Variants in SAE1 observed in about 807,000 individuals in gnomAD.
SAE1 encodes the protein SUMO-activating enzyme subunit 1.
In SAE1, 11 loss-of-function variants were observed where a neutral mutation model predicts 40.6. The ratio of observed to expected loss-of-function variants is 0.27; its 90% CI spans 0.17 to 0.45. SAE1 has a LOEUF of 0.45. SAE1 is among the 20% of genes least tolerant of loss of function. The probability of loss-of-function intolerance (pLI) is 1.00; values close to 1 mark genes in which losing one functional copy is unlikely to be tolerated. For missense variants in SAE1, 373 were observed against 427.3 expected (o/e 0.87, Z 1.12); for synonymous variants, 155 against 154.3 (o/e 1.00, Z -0.03).
intron 2 of SAE1, among the ~76,000 whole-genome samples, chr19:47,149,949 C>T (rs1470567812): frequency 2.0e-5 from 3 of 151,594 alleles, no homozygotes; most frequent in African/African-American, 7.3e-5. Context: ...GTGGTGCGTG[C>T]TTGTAGTCCC....
At chr19:47,145,165 G>T (rs1274721368) in intron 2 of SAE1, among the ~76,000 whole-genome samples, 1 of 152,026 alleles carries the variant, frequency 6.6e-6, no homozygotes, top group Non-Finnish European at 1.5e-5. Context: ...ACCATGCCTG[G>T]CTAATTTAAC....
chr19:47,153,052 G>A lies in SAE1; in HGVS notation c.527+12G>A, dbSNP rs2058297242. ...CATGAGTTTGTAGAGTAAGTGTTGG[G>A]AGAGGAGGGGAGAACATAACATTTT... On this transcript the variant is annotated intron_variant, in intron 4 of 8. Coordinates refer to ENST00000270225, the MANE Select transcript of SAE1 (RefSeq NM_005500.3). 1.9e-6 allele frequency: 3 copies of A among 1,591,700 alleles called. No homozygotes were observed. Among genetic ancestry groups the A allele is most frequent in the African/African-American group, 2.7e-5 (2 of 73,944 alleles).
chr19:47,181,978 G>A (rs1800433671), intron 6 of SAE1, among the ~76,000 whole-genome samples: 1 of 151,482 alleles, frequency 6.6e-6, no homozygotes, highest in Non-Finnish European at 1.5e-5. Flanking sequence ...TTGTAGAGAG[G>A]CCTCACTCCA....
At chr19:47,205,111 G>T (rs2058678850) in intron 8 of SAE1, among the ~76,000 whole-genome samples, 1 of 152,128 alleles carries the variant, frequency 6.6e-6, no homozygotes, top group Non-Finnish European at 1.5e-5. Context: ...CAGGTTCTTG[G>T]CTGCCTTCGT....
intron 5 of SAE1, among the ~76,000 whole-genome samples, chr19:47,159,932 G>C (rs1288632959): frequency 6.6e-6 from 1 of 152,162 alleles, no homozygotes; most frequent in African/African-American, 2.4e-5. Flanking sequence ...GGCCTCAAGT[G>C]ATCCGCCCAC....
chr19:47,153,135 T>G (rs1329815648), intron 4 of SAE1, 95 bp downstream of exon 4: 19 of 1,147,858 alleles, frequency 1.7e-5, no homozygotes, highest in Non-Finnish European at 2.2e-5. Context: ...AGAGACAGGA[T>G]CTATGCTATG....
intron 1 of SAE1, 71 bp from the exon 2 acceptor site, chr19:47,143,423 A>AT (rs2058234542): frequency 7.8e-7 from 1 of 1,284,884 alleles, no homozygotes; most frequent in Non-Finnish European, 1.1e-6. Context: ...TGATTTGTGT[A>AT]TTTTTTGTTC....
intron 2 of SAE1, among the ~76,000 whole-genome samples, chr19:47,144,918 G>A (rs1026138223): frequency 1.3e-5 from 2 of 152,144 alleles, no homozygotes; most frequent in East Asian, 1.9e-4. Context: ...TGCAACCTCC[G>A]CTTCCCGGGC....
At chr19:47,190,476 C>T (rs927033359) in intron 6 of SAE1, among the ~76,000 whole-genome samples, 14 of 152,140 alleles carry the variant, frequency 9.2e-5, no homozygotes, top group African/African-American at 1.7e-4. Flanking sequence ...TCTTCCTGCC[C>T]CCCTCCACTG....
At chr19:47,170,310 GTT>G (rs1308669405) in intron 6 of SAE1, among the ~76,000 whole-genome samples, 1 of 150,924 alleles carries the variant, frequency 6.6e-6, no homozygotes, top group Admixed American at 6.6e-5. Flanking sequence ...CACCTCCTGG[GTT>G]GAAGCGATTC....
At chr19:47,173,027 G>A (rs770446565) in intron 6 of SAE1, among the ~76,000 whole-genome samples, 4 of 152,070 alleles carry the variant, frequency 2.6e-5, no homozygotes, top group Non-Finnish European at 5.9e-5. Flanking sequence ...CAAAGGTCTT[G>A]TTCTTTTTCT....
At chr19:47,131,223 G>T in intron 1 of SAE1, 195 bp downstream of exon 1, 1 of 1,341,226 alleles carries the variant, frequency 7.5e-7, no homozygotes, top group South Asian at 1.8e-5. Context: ...GAAGTGGTTG[G>T]GAGGGCCGTT....
intron 7 of SAE1, among the ~76,000 whole-genome samples, chr19:47,200,136 T>G (rs988527595): frequency 6.6e-6 from 1 of 151,934 alleles, no homozygotes; most frequent in African/African-American, 2.4e-5. Context: ...GGTTTCGCTG[T>G]GTTAGCCAGG....
chr19:47,199,623 A>G (rs527604236), intron 7 of SAE1, among the ~76,000 whole-genome samples: 5 of 152,094 alleles, frequency 3.3e-5, no homozygotes, highest in Non-Finnish European at 7.4e-5. Context: ...TGAATGCCCA[A>G]GTAGTCACTT....
At chr19:47,150,793 GC>G (rs926908928) in intron 3 of SAE1, among the ~76,000 whole-genome samples, 3 of 152,154 alleles carry the variant, frequency 2.0e-5, no homozygotes, top group Non-Finnish European at 4.4e-5. Context: ...TCAAACTACA[GC>G]TTGTGTTTTG....
chr19:47,153,983 GTT>G (rs747589375), intron 4 of SAE1, among the ~76,000 whole-genome samples: 3 of 151,904 alleles, frequency 2.0e-5, no homozygotes, highest in Non-Finnish European at 4.4e-5. Flanking sequence ...TAGAGACAGG[GTT>G]TTTCCATGTT....
rs954355890 is a variant in SAE1 at position 47,187,886 on chromosome 19, C to T, written c.734-9347C>T. ...TCTCCCCTAGTTATCCTTTATTCTT[C>T]AAACAGGCTTCCTGTGTGACATATT... On this transcript the variant is annotated intron_variant, in intron 6 of 8. Transcript: ENST00000270225. Among the ~76,000 whole-genome samples, 27 of 152,152 alleles carry T rather than the reference C, an allele frequency of 1.8e-4. 1 individual carries two copies. The highest frequency in any genetic ancestry group is 2.1e-4 in the South Asian group (1 of 4,818).
chr19:47,199,561 A>G (rs2058639364), intron 7 of SAE1, among the ~76,000 whole-genome samples: 1 of 152,132 alleles, frequency 6.6e-6, no homozygotes, highest in South Asian at 2.1e-4. Flanking sequence ...TCTAGGAAGC[A>G]GGGCCTTCAA....
At chr19:47,199,765 A>G (rs1410183167) in intron 7 of SAE1, among the ~76,000 whole-genome samples, 1 of 152,148 alleles carries the variant, frequency 6.6e-6, no homozygotes, top group Non-Finnish European at 1.5e-5. Context: ...TGCGAAGCAC[A>G]GCAGAGGAAA....
Sources: gnomAD v4.1 joint callset for allele counts (sites outside exome capture counted in the v4.1 genomes callset) on GRCh38, gnomAD v4.1.1 for gene constraint, MANE v1.5 for transcripts, NCBI Gene and HGNC (gene_info 2026-07-23, HGNC 2026-07-21) for gene names.